Variants in CACNA1A observed in about 807,000 individuals in gnomAD.
The protein encoded by CACNA1A is voltage-dependent P/Q-type calcium channel subunit alpha-1A.
In CACNA1A, 57 loss-of-function variants were observed where a neutral mutation model predicts 262.4. That is an observed-to-expected ratio of 0.22 (90% CI 0.18 to 0.27). The LOEUF is 0.27. CACNA1A is among the 10% of genes least tolerant of loss of function. CACNA1A has a pLI of 1.00. For missense variants in CACNA1A, 2,526 were observed against 3,562.8 expected, an observed-to-expected ratio of 0.71 and a Z score of 7.41; for synonymous variants, 1,431 against 1,419.3, an observed-to-expected ratio of 1.01 and a Z score of -0.18.
chr19:13,433,274 C>T (rs1385138005), intron 3 of CACNA1A, among the ~76,000 whole-genome samples: 1 of 141,368 alleles, frequency 7.1e-6, no homozygotes, highest in African/African-American at 2.7e-5. Flanking sequence ...GCCTGGGCTA[C>T]AGTGCGAGAC....
chr19:13,368,367 C>T (rs563601543), intron 4 of CACNA1A, among the ~76,000 whole-genome samples: 3 of 149,738 alleles, frequency 2.0e-5, no homozygotes, highest in East Asian at 4.0e-4. Flanking sequence ...TGGGCTTGCT[C>T]TGTCACCCAG....
At chr19:13,383,264 C>A (rs945211843) in intron 3 of CACNA1A, among the ~76,000 whole-genome samples, 1 of 152,142 alleles carries the variant, frequency 6.6e-6, no homozygotes, top group Non-Finnish European at 1.5e-5. Context: ...GCCCCTAGGG[C>A]TTCCAATGGA....
intron 34 of CACNA1A, among the ~76,000 whole-genome samples, chr19:13,233,416 A>C (rs899282794): frequency 3.9e-5 from 6 of 152,258 alleles, no homozygotes; most frequent in African/African-American, 1.4e-4. Flanking sequence ...ATTCAGTAGC[A>C]TTAAGTAAGC....
At chr19:13,316,803 G>A (rs939396547) in intron 11 of CACNA1A, 7 of 274,028 alleles carry the variant, frequency 2.6e-5, no homozygotes, top group African/African-American at 8.7e-5. Context: ...TATGAGCTCC[G>A]TCTTTCTCTG....
At chr19:13,425,643 G>C (rs1242333754) in intron 3 of CACNA1A, among the ~76,000 whole-genome samples, 1 of 152,126 alleles carries the variant, frequency 6.6e-6, no homozygotes, top group East Asian at 1.9e-4. Flanking sequence ...ACACATTGTT[G>C]GTCTAAAAGT....
chr19:13,495,726 C>A (rs1174799028), intron 1 of CACNA1A, among the ~76,000 whole-genome samples: 2 of 152,052 alleles, frequency 1.3e-5, no homozygotes, highest in African/African-American at 2.4e-5. Context: ...TACCATACAC[C>A]CTTATATCCA....
chr19:13,301,619 A>C (rs987043263), intron 17 of CACNA1A, among the ~76,000 whole-genome samples: 1 of 152,234 alleles, frequency 6.6e-6, no homozygotes, highest in Admixed American at 6.5e-5. Context: ...TTGGACTTTA[A>C]ATCCTTCTTC....
intron 3 of CACNA1A, among the ~76,000 whole-genome samples, chr19:13,436,755 T>C (rs2060619980): frequency 6.6e-6 from 1 of 152,222 alleles, no homozygotes. Context: ...CAGATGGCCA[T>C]AAAGAGGGGA....
At chr19:13,256,235 C>T (rs2056566291) in intron 28 of CACNA1A, 2 of 151,988 alleles carry the variant, frequency 1.3e-5, no homozygotes, top group Non-Finnish European at 2.9e-5. Flanking sequence ...CGGGCTCAAG[C>T]AATCCTCCTG....
chr19:13,298,952 T>C lies in CACNA1A; in HGVS notation c.2681A>G (p.Glu894Gly). Residue 894 changes from glutamate (E) to glycine (G), a missense_variant, in exon 19 of 47, where the codon GAG becomes GGG. Physicochemically the swap from Glu to Gly is moderately conservative, Grantham distance 98 (BLOSUM62 -2). Around this residue, in one of 17 missense-constraint regions of CACNA1A, gnomAD observed 765 missense variants for 748.6 expected, o/e 1.02. Transcript: ENST00000360228. ...GTCCGACTCGCGGCCGTAGGGTCCC[T>C]CCCGGCTCAGCTCGGCCTCCTGGCT... The part of the protein sequence containing the change: ...AGSQEAELSR[E>G]GPYGRESDHH... 2 of 1,590,390 alleles carry C rather than the reference T, an allele frequency of 1.3e-6. No individual in the cohort carries two copies. Among genetic ancestry groups the C allele is most frequent in the Non-Finnish European group, 1.7e-6 (2 of 1,175,718 alleles).
At chr19:13,208,243 A>G (rs2054650471) in intron 46 of CACNA1A, among the ~76,000 whole-genome samples, 190 bp from the exon 47 acceptor site, 1 of 126,006 alleles carries the variant, frequency 7.9e-6, no homozygotes, top group South Asian at 3.4e-4. Context: ...AGCAACAGCC[A>G]CAGGGAGGAG....
intron 3 of CACNA1A, among the ~76,000 whole-genome samples, chr19:13,375,043 T>C (rs989013451): frequency 1.3e-5 from 2 of 152,238 alleles, no homozygotes; most frequent in African/African-American, 4.8e-5. Flanking sequence ...AATTGAAGAT[T>C]TGTGGCAACC....
chr19:13,214,279 T>C lies in CACNA1A; in HGVS notation c.5894A>G (p.Tyr1965Cys). The change falls in exon 40 of 47, where the codon TAC becomes TGC. Residue 1965 changes from tyrosine to cysteine, a missense_variant. Coordinates refer to ENST00000360228, the MANE Select transcript of CACNA1A (RefSeq NM_001127222.2). This position sits in a 1 kb window ranked among gnomAD's most constrained non-coding sequence, Gnocchi z 4.1. ...CAGCTTCTTGGCCTTGCTCTGCCGG[T>C]AGTACTCCATGATCATCATGGCTGC... ...IYAAMMIMEY[Y>C]RQSKAKKLQA... is the part of the protein sequence containing the mutation. 3 of 1,612,242 alleles carry C rather than the reference T, an allele frequency of 1.9e-6. No homozygotes were observed. The highest frequency in any genetic ancestry group is 2.5e-6 in the Non-Finnish European group (3 of 1,179,870).
intron 3 of CACNA1A, among the ~76,000 whole-genome samples, chr19:13,423,027 C>A (rs773748973): frequency 6.6e-6 from 1 of 152,200 alleles, no homozygotes; most frequent in Non-Finnish European, 1.5e-5. Context: ...TTTTAGCAAA[C>A]CTTCAAACCT....
rs1347290875 is a variant in CACNA1A, at chr19:13,499,446, GTGGT to G, written c.293+6482_293+6485del. Among the ~76,000 whole-genome samples the G allele has an allele frequency of 7.3e-4, 85 of 116,764 alleles. 1 individual carries two copies. Among genetic ancestry groups the G allele is most frequent in the African/African-American group, 2.9e-3 (82 of 28,158 alleles). 76.6% of individuals were successfully genotyped at this position (116,764 alleles called of 152,430 possible). ...AATCCACACTGACCAGTCGCAGGGG[GTGGT>G]GGGGGGGGGCACTTCGCTCCCATTC... On this transcript the variant is annotated intron_variant, in intron 1 of 46. Coordinates refer to ENST00000360228, the MANE Select transcript of CACNA1A (RefSeq NM_001127222.2).
intron 24 of CACNA1A, among the ~76,000 whole-genome samples, chr19:13,265,756 T>G (rs2144785868): frequency 6.6e-6 from 1 of 152,318 alleles, no homozygotes; most frequent in South Asian, 2.1e-4. Context: ...CTAATAGGCC[T>G]TTAACACCTC....
chr19:13,492,311 T>G (rs1309298450), intron 1 of CACNA1A, among the ~76,000 whole-genome samples: 3 of 152,058 alleles, frequency 2.0e-5, no homozygotes, highest in African/African-American at 4.8e-5. Flanking sequence ...TGGAAAATGC[T>G]CTATGTCTTA....
chr19:13,411,538 C>G (rs1017192819), intron 3 of CACNA1A, among the ~76,000 whole-genome samples: 6 of 152,184 alleles, frequency 3.9e-5, no homozygotes, highest in Admixed American at 1.3e-4. Flanking sequence ...GCCTCCCCAG[C>G]CATGTGGAAC....
intron 3 of CACNA1A, among the ~76,000 whole-genome samples, chr19:13,430,453 G>A (rs576511014): frequency 2.0e-5 from 3 of 152,078 alleles, no homozygotes. Context: ...GTATCTGCCC[G>A]CCTCGGCCTC....
Sources: allele counts gnomAD v4.1 joint callset (sites outside exome capture counted in the v4.1 genomes callset), GRCh38; gene constraint gnomAD v4.1.1; regional missense constraint gnomAD v4.1.1; non-coding constraint Gnocchi (gnomAD v3.1); transcripts MANE v1.5; gene names NCBI Gene and HGNC (gene_info 2026-07-23, HGNC 2026-07-21).